Variants in MB21D2 observed in about 807,000 individuals in gnomAD.
MB21D2 encodes nucleotidyltransferase MB21D2.
Under a neutral mutation model 33.3 loss-of-function variants are expected in MB21D2, and 9 were observed. The ratio of observed to expected loss-of-function variants is 0.27; its 90% CI spans 0.16 to 0.47. The LOEUF is 0.47. Ranked by LOEUF, MB21D2 falls within the 20% of genes least tolerant of loss-of-function variation. The pLI is 0.99. For synonymous variants in MB21D2, 241 were observed against 236.3 expected, an observed-to-expected ratio of 1.02 and a Z score of -0.18; for missense variants, 540 against 624.6, an observed-to-expected ratio of 0.86 and a Z score of 1.44.
chr3:192,896,039 T>C (rs1713965863), intron 1 of MB21D2, among the ~76,000 whole-genome samples: 1 of 152,202 alleles, frequency 6.6e-6, no homozygotes, highest in Admixed American at 6.5e-5. Flanking sequence ...CACAAAAACG[T>C]GGAAGAGAAG....
intron 1 of MB21D2, among the ~76,000 whole-genome samples, chr3:192,876,308 T>C (rs1190141333): frequency 2.6e-5 from 4 of 152,240 alleles, no homozygotes; most frequent in Admixed American, 2.6e-4. Context: ...GGCTGTCATC[T>C]TGAATTTATT....
intron 1 of MB21D2, among the ~76,000 whole-genome samples, chr3:192,872,982 A>C (rs2108638784): frequency 6.9e-6 from 1 of 145,270 alleles, no homozygotes; most frequent in Admixed American, 6.8e-5. Flanking sequence ...CAAAACACTA[A>C]ACATAAAATT....
chr3:192,894,593 A>T (rs1713924832), intron 1 of MB21D2, among the ~76,000 whole-genome samples: 1 of 152,196 alleles, frequency 6.6e-6, no homozygotes, highest in Non-Finnish European at 1.5e-5. Flanking sequence ...GAACATGTAA[A>T]AGCTGCCAGT....
Position 192,827,819 on chromosome 3 carries a change from A to G in MB21D2, c.212-28169T>C, listed in dbSNP as rs1031801059. Among the ~76,000 whole-genome samples, 3 of 152,242 alleles carry G rather than the reference A, an allele frequency of 2.0e-5. No individual in the cohort carries two copies. In the East Asian group the frequency reaches 5.8e-4, roughly 29 times the overall value. ...GAATGACATATGTGCATAGAAGTTC[A>G]CTGGTAGCTTTTTGTTTGATATGGT... On this transcript the variant is annotated intron_variant, in intron 1 of 1. Transcript: ENST00000392452.
At chr3:192,851,164 T>C (rs548735131) in intron 1 of MB21D2, among the ~76,000 whole-genome samples, 274 of 152,160 alleles carry the variant, frequency 1.8e-3, no homozygotes, top group African/African-American at 6.4e-3. Flanking sequence ...AGCCACACCA[T>C]AGAATAGAAT....
At chr3:192,840,794 T>C (rs1712553679) in intron 1 of MB21D2, among the ~76,000 whole-genome samples, 2 of 152,202 alleles carry the variant, frequency 1.3e-5, no homozygotes, top group South Asian at 4.1e-4. Context: ...AGGTTTTAGT[T>C]GGTTAAGACA....
At chr3:192,864,271 G>A (rs898908471) in intron 1 of MB21D2, among the ~76,000 whole-genome samples, 2 of 152,178 alleles carry the variant, frequency 1.3e-5, no homozygotes, top group African/African-American at 2.4e-5. Context: ...AAGGAGGGAA[G>A]GACAAGAAAT....
intron 1 of MB21D2, among the ~76,000 whole-genome samples, chr3:192,884,582 T>C (rs1012096947): frequency 3.9e-5 from 6 of 152,010 alleles, no homozygotes; most frequent in South Asian, 2.1e-4. Flanking sequence ...TTAGCCAGGA[T>C]GGTCTTGATC....
chr3:192,896,539 T>C (rs1365716072), intron 1 of MB21D2, among the ~76,000 whole-genome samples: 4 of 152,188 alleles, frequency 2.6e-5, no homozygotes, highest in Non-Finnish European at 5.9e-5. Flanking sequence ...TTACTTCTTC[T>C]GTGGCACTGA....
chr3:192,825,535 C>T (rs1446870524), intron 1 of MB21D2, among the ~76,000 whole-genome samples: 5 of 152,172 alleles, frequency 3.3e-5, no homozygotes, highest in East Asian at 3.8e-4. Context: ...ACATTCTCTC[C>T]TATTAAATGA....
At chr3:192,885,866 C>T (rs1054741766) in intron 1 of MB21D2, among the ~76,000 whole-genome samples, 3 of 152,086 alleles carry the variant, frequency 2.0e-5, no homozygotes, top group Non-Finnish European at 4.4e-5. Context: ...GAACAGAAAG[C>T]GTATTCAAAT....
At chr3:192,894,875 A>G (rs1438545026) in intron 1 of MB21D2, among the ~76,000 whole-genome samples, 1 of 152,156 alleles carries the variant, frequency 6.6e-6, no homozygotes, top group East Asian at 1.9e-4. Flanking sequence ...ACCTCATCAC[A>G]ACACAAAAAG....
At chr3:192,855,994 T>C (rs776610321) in intron 1 of MB21D2, among the ~76,000 whole-genome samples, 6 of 151,950 alleles carry the variant, frequency 3.9e-5, no homozygotes, top group South Asian at 2.1e-4. Context: ...GAGGCAAAGG[T>C]TGCAGTGAGC....
chr3:192,870,657 G>C (rs1203919966), intron 1 of MB21D2, among the ~76,000 whole-genome samples: 1 of 137,352 alleles, frequency 7.3e-6, no homozygotes, highest in Non-Finnish European at 1.5e-5. Flanking sequence ...GCTGTAGTGA[G>C]CTGAGATTGC....
At chr3:192,823,471 C>T (rs1174655063) in intron 1 of MB21D2, among the ~76,000 whole-genome samples, 5 of 152,028 alleles carry the variant, frequency 3.3e-5, no homozygotes, top group South Asian at 2.1e-4. Flanking sequence ...CTGACCAACA[C>T]GGAGAAACCC....
chr3:192,800,954 A>T (rs966413700), intron 1 of MB21D2, among the ~76,000 whole-genome samples: 1 of 152,250 alleles, frequency 6.6e-6, no homozygotes, highest in East Asian at 1.9e-4. Context: ...CATGAGCGTG[A>T]CATCTTCTCG....
At chr3:192,856,884 T>C (rs1712929795) in intron 1 of MB21D2, among the ~76,000 whole-genome samples, 1 of 152,196 alleles carries the variant, frequency 6.6e-6, no homozygotes. Flanking sequence ...TTCTCTTATC[T>C]ACTAATTATC....
chr3:192,866,169 A>G (rs997110778), intron 1 of MB21D2, among the ~76,000 whole-genome samples: 1 of 152,368 alleles, frequency 6.6e-6, no homozygotes, highest in Non-Finnish European at 1.5e-5. Flanking sequence ...TTCTTCTTAA[A>G]TATCATTATT....
At chr3:192,815,805 A>G (rs1000019143) in intron 1 of MB21D2, among the ~76,000 whole-genome samples, 1 of 152,168 alleles carries the variant, frequency 6.6e-6, no homozygotes, top group African/African-American at 2.4e-5. Flanking sequence ...CTATTTTTTC[A>G]GGGCCCGTAT....
Sources: allele counts gnomAD v4.1 joint callset (sites outside exome capture counted in the v4.1 genomes callset), GRCh38; gene constraint gnomAD v4.1.1; transcripts MANE v1.5; gene names NCBI Gene and HGNC (gene_info 2026-07-23, HGNC 2026-07-21).